The following FGFRL1 variants were observed in gnomAD, a reference collection of about 807,000 sequenced individuals.
FGFRL1 encodes the protein fibroblast growth factor receptor like 1.
A neutral mutation model predicts 36.8 loss-of-function variants in FGFRL1; 24 were observed. The ratio of observed to expected loss-of-function variants is 0.65; its 90% CI spans 0.47 to 0.92. The LOEUF is 0.92. Ranked by LOEUF, FGFRL1 falls within the 40% of genes least tolerant of loss-of-function variation. The probability of loss-of-function intolerance (pLI) is 0.00; values close to 1 mark genes in which losing one functional copy is unlikely to be tolerated. For synonymous variants in FGFRL1, 422 were observed against 344.1 expected, an observed-to-expected ratio of 1.23 and a Z score of -2.50; for missense variants, 785 against 753.4, an observed-to-expected ratio of 1.04 and a Z score of -0.49.
Position 1,022,460 on chromosome 4 carries a change from A to G in FGFRL1, c.337A>G (p.Thr113Ala). 1.2e-6 allele frequency: 2 copies of G among 1,603,670 alleles called. No homozygotes were observed. Among genetic ancestry groups the G allele is most frequent in the South Asian group, 1.1e-5 (1 of 89,816 alleles). The change falls in exon 3 of 7, where the codon ACC becomes GCC. Residue 113 changes from threonine to alanine, a missense_variant. Transcript: ENST00000510644. ...CTTCGGCAGCCTGAGCGTCAACTACACCCTCGTCGTGCTGGGTTAGTCGCT... is the reference window on the plus strand; with the variant it reads ...CTTCGGCAGCCTGAGCGTCAACTACGCCCTCGTCGTGCTGGGTTAGTCGCT... The part of the protein sequence containing the change: ...NGFGSLSVNY[T>A]LVVLDDISPG...
upstream of FGFRL1, among the ~76,000 whole-genome samples, chr4:1,010,641 C>T (rs964301295): frequency 6.6e-6 from 1 of 152,010 alleles, no homozygotes; most frequent in African/African-American, 2.4e-5. Flanking sequence ...GGGTGTGAGG[C>T]GGGATGTGGG....
chr4:1,012,256 G>A lies in FGFRL1; in HGVS notation c.-16-214G>A, dbSNP rs905106314. Reference sequence around the variant, plus strand: ...CAGGAATCCAGACGGTGTTTGGAGAGGGGGGGCGGCGGGGGAGCCCGGTAA... The same window carrying A: ...CAGGAATCCAGACGGTGTTTGGAGAAGGGGGGCGGCGGGGGAGCCCGGTAA... On this transcript the variant is annotated intron_variant, in intron 1 of 6. Coordinates refer to ENST00000510644, the MANE Select transcript of FGFRL1 (RefSeq NM_001004356.3). 1.8e-5 allele frequency: 9 copies of A among 500,426 alleles called. 1 individual carries two copies. Among genetic ancestry groups the A allele is most frequent in the South Asian group, 5.6e-5 (2 of 36,014 alleles). The allele number at this position is 500,426 out of a possible 1,614,324, so 31.0% of individuals were successfully genotyped here.
At position 1,012,382 on chromosome 4, in the gene FGFRL1, C is replaced by T. The variant is rs1323850173; in HGVS notation, c.-16-88C>T. 1.1e-5 allele frequency: 17 copies of T among 1,485,248 alleles called. No individual in the cohort carries two copies. The Admixed American group carries it at 1.6e-4, about 14-fold the overall frequency. 92.0% of individuals were successfully genotyped at this position (1,485,248 alleles called of 1,614,324 possible). On this transcript the variant is annotated intron_variant, in intron 1 of 6. Transcript: ENST00000510644. ...CGGGGAGGGCCTGTGGGGAGGGCGG[C>T]CAGACCCCTGATCCCCGCGGCCCGG...
intron 2 of FGFRL1, among the ~76,000 whole-genome samples, chr4:1,017,873 C>G (rs1715974530): frequency 6.6e-6 from 1 of 152,076 alleles, no homozygotes; most frequent in Non-Finnish European, 1.5e-5. Context: ...TGTACCTGCC[C>G]TGGCCGGCCC....
rs1715589430 is a variant in FGFRL1, at chr4:1,011,680, C to G, written c.-291C>G. ...GCCTCGCGGCGCGGCGCCCCGGGCC[C>G]CTCGCCCCGCCGCCCCGGGATCCCG... On this transcript the variant is annotated 5_prime_UTR_variant, in exon 1 of 7. Transcript: ENST00000510644. The G allele has an allele frequency of 1.4e-5, 2 of 144,436 alleles. No individual in the cohort carries two copies. The highest frequency in any genetic ancestry group is 1.4e-4 in the Admixed American group (2 of 14,624). The allele number at this position is 144,436 out of a possible 1,614,324, so 8.9% of individuals were successfully genotyped here. A position where few individuals can be genotyped will look rare whatever the true frequency, so the allele number is the denominator to read the frequency against.
chr4:1,018,372 G>A (rs902684038), intron 2 of FGFRL1, among the ~76,000 whole-genome samples: 3 of 152,166 alleles, frequency 2.0e-5, no homozygotes, highest in Non-Finnish European at 4.4e-5. Flanking sequence ...GGGGGCGGCG[G>A]GAGGATTTGG....
intron 2 of FGFRL1, among the ~76,000 whole-genome samples, chr4:1,016,020 C>T (rs1455331301): frequency 6.6e-6 from 1 of 152,182 alleles, no homozygotes; most frequent in African/African-American, 2.4e-5. Flanking sequence ...GGAGCTGCAG[C>T]GGACAGGCCC....
chr4:1,025,284 ACACT>A lies in FGFRL1; in HGVS notation c.1454_1457del (p.His485LeufsTer94), dbSNP rs773797947. The A allele has an allele frequency of 6.3e-7, 1 of 1,583,352 alleles. No individual in the cohort carries two copies. The highest frequency in any genetic ancestry group is 1.8e-5 in the Admixed American group (1 of 55,614). ...CAGACATCCACACACACACACACAC[ACACT>A]CTCACACACACTCACACGTGGAGGG... On this transcript the variant is annotated frameshift_variant, in exon 7 of 7. Transcript: ENST00000510644. LOFTEE classifies it high-confidence loss of function.
At position 1,023,922 on chromosome 4, in the gene FGFRL1, C is replaced by T. The variant is rs1165557611; in HGVS notation, c.539C>T (p.Pro180Leu). The change falls in exon 5 of 7, where the codon CCC (proline) becomes CTC (leucine). Residue 180 changes from proline to leucine, a missense_variant. Transcript: ENST00000510644. The surrounding 1 kb of genome is among the most constrained non-coding windows in gnomAD (Gnocchi z 6.0). ...TGCGTGGCCAGCGGGCACCCTCGGC[C>T]CGACATCACGTGGATGAAGGACGAC... is the stretch of plus-strand genomic sequence containing the variant. ...LKCVASGHPRPDITWMKDDQA... is the reference protein window; with the variant it reads ...LKCVASGHPRLDITWMKDDQA... The T allele has an allele frequency of 1.3e-6, 2 of 1,582,066 alleles. No homozygotes were observed. Among genetic ancestry groups the T allele is most frequent in the African/African-American group, 1.4e-5 (1 of 74,054 alleles).
chr4:1,010,671 T>G (rs1309095405), upstream of FGFRL1, among the ~76,000 whole-genome samples: 1 of 152,028 alleles, frequency 6.6e-6, no homozygotes, highest in Non-Finnish European at 1.5e-5. Flanking sequence ...AGGTTTGTGT[T>G]GCAAGACTGG....
intron 2 of FGFRL1, among the ~76,000 whole-genome samples, chr4:1,019,500 C>T (rs1012329421): frequency 1.3e-5 from 2 of 152,192 alleles, no homozygotes; most frequent in Non-Finnish European, 2.9e-5. Flanking sequence ...TTTCAGGCAG[C>T]GACAGGTGCT....
chr4:1,011,944 C>T lies in FGFRL1; in HGVS notation c.-27C>T, dbSNP rs1339324269. On this transcript the variant is annotated 5_prime_UTR_variant, in exon 1 of 7. Coordinates refer to ENST00000510644, the MANE Select transcript of FGFRL1 (RefSeq NM_001004356.3). ...TGACCCCGCCGCCCGCCCGCTGAGC[C>T]CCCCGCCGAGGTGAGCCCCCCGCGC... The T allele has an allele frequency of 1.4e-5, 2 of 145,878 alleles. No individual in the cohort carries two copies. The highest frequency in any genetic ancestry group is 3.0e-5 in the Non-Finnish European group (2 of 65,744). The allele number at this position is 145,878 out of a possible 1,614,324, so 9.0% of individuals were successfully genotyped here.
At position 1,012,523 on chromosome 4, in the gene FGFRL1, CGCT is replaced by C; in HGVS notation, c.46_48del (p.Leu16del). On this transcript the variant is annotated inframe_deletion, in exon 2 of 7. Transcript: ENST00000510644. The stretch of plus-strand genomic sequence containing the variant: ...CCCCTGTTGCTGCTCCTGCTGCCGC[CGCT>C]GCTGCTGGGGGCCTTCCCGCCGGCC... 1.3e-6 allele frequency: 2 copies of C among 1,545,130 alleles called. No homozygotes were observed. The highest frequency in any genetic ancestry group is 1.4e-5 in the African/African-American group (1 of 70,592).
At chr4:1,018,872 AG>A (rs1473925029) in intron 2 of FGFRL1, among the ~76,000 whole-genome samples, 1 of 149,002 alleles carries the variant, frequency 6.7e-6, no homozygotes, top group East Asian at 2.0e-4. Flanking sequence ...CGGCAACAGC[AG>A]GGGGTCCGGG....
intron 2 of FGFRL1, among the ~76,000 whole-genome samples, chr4:1,015,758 C>T (rs576157966): frequency 1.3e-5 from 2 of 152,320 alleles, no homozygotes; most frequent in South Asian, 2.1e-4. Context: ...ACGGTGACAC[C>T]CTCTGGGCTT....
At chr4:1,016,527 C>T (rs975237474) in intron 2 of FGFRL1, among the ~76,000 whole-genome samples, 2 of 152,092 alleles carry the variant, frequency 1.3e-5, no homozygotes, top group Non-Finnish European at 2.9e-5. Flanking sequence ...GGAGCAGTGC[C>T]CTGGGGCTGG....
At chr4:1,018,029 C>T (rs562859335) in intron 2 of FGFRL1, among the ~76,000 whole-genome samples, 32 of 152,312 alleles carry the variant, frequency 2.1e-4, no homozygotes, top group African/African-American at 7.5e-4. Context: ...GATATTGGAG[C>T]CCCCGAGGAG....
Position 1,025,144 on chromosome 4 carries a change from C to T in FGFRL1, c.1312C>T (p.Leu438Phe), listed in dbSNP as rs1179855565. ...GDKDLPSLAA[L>F]SAGPGVGLCE... ...CAAGGACCTTCCCTCGTTGGCCGCC[C>T]TCAGCGCTGGCCCTGGTGTGGGGCT... Residue 438 changes from leucine to phenylalanine, a missense_variant, in exon 7 of 7, where the codon CTC becomes TTC. Coordinates refer to ENST00000510644, the MANE Select transcript of FGFRL1 (RefSeq NM_001004356.3). 5.6e-6 allele frequency: 9 copies of T among 1,610,834 alleles called. No homozygotes were observed. Among genetic ancestry groups the T allele is most frequent in the Admixed American group, 1.7e-5 (1 of 59,764 alleles).
chr4:1,023,568 C>T lies in FGFRL1; in HGVS notation c.353-73C>T. ...CGGCTGGGGCTGGGGGAGCTAGAGG[C>T]CACGGGGGAGTTGGGGGAGCTCCTC... On this transcript the variant is annotated intron_variant, in intron 3 of 6. Transcript: ENST00000510644. The surrounding 1 kb of genome is among the most constrained non-coding windows in gnomAD (Gnocchi z 6.0). 7.1e-7 allele frequency: 1 copy of T among 1,405,870 alleles called. No homozygotes were observed. Among genetic ancestry groups the T allele is most frequent in the Non-Finnish European group, 9.8e-7 (1 of 1,017,078 alleles). The allele number at this position is 1,405,870 out of a possible 1,614,324, so 87.1% of individuals were successfully genotyped here.
Sources: allele counts gnomAD v4.1 joint callset (sites outside exome capture counted in the v4.1 genomes callset), GRCh38; gene constraint gnomAD v4.1.1; non-coding constraint Gnocchi (gnomAD v3.1); transcripts MANE v1.5; gene names NCBI Gene and HGNC (gene_info 2026-07-23, HGNC 2026-07-21).